The following GLI2 variants were observed in gnomAD, a reference collection of about 807,000 sequenced individuals.
GLI2 encodes transcription activator GLI2.
In GLI2, 22 loss-of-function variants were observed where a neutral mutation model predicts 78.9. The ratio of observed to expected loss-of-function variants is 0.28; its 90% CI spans 0.20 to 0.40. GLI2 has a LOEUF of 0.40. Among genes scored for constraint, GLI2 ranks in the 10% least tolerant of loss-of-function variants. The pLI is 1.00. For missense variants in GLI2, 2,097 were observed against 2,213.2 expected, an observed-to-expected ratio of 0.95 and a Z score of 1.05; for synonymous variants, 974 against 963.7, an observed-to-expected ratio of 1.01 and a Z score of -0.20.
intron 2 of GLI2, among the ~76,000 whole-genome samples, chr2:120,797,954 AAG>A (rs1444297089): frequency 2.6e-5 from 4 of 152,142 alleles, no homozygotes; most frequent in African/African-American, 9.7e-5. Flanking sequence ...ATTATAACAA[AAG>A]AGACTACACG....
chr2:120,938,447 C>A (rs895553), intron 3 of GLI2, among the ~76,000 whole-genome samples: 1 of 152,034 alleles, frequency 6.6e-6, no homozygotes, highest in Non-Finnish European at 1.5e-5. Flanking sequence ...TTGTGGACCA[C>A]GTGGCTAGAT....
At chr2:120,889,882 G>A (rs184890225) in intron 2 of GLI2, among the ~76,000 whole-genome samples, 116 of 152,306 alleles carry the variant, frequency 7.6e-4, no homozygotes, top group African/African-American at 2.6e-3. Flanking sequence ...AGACGGTACA[G>A]CCTCTCTAGA....
chr2:120,900,508 G>C (rs1220866811), intron 2 of GLI2, among the ~76,000 whole-genome samples: 1 of 152,178 alleles, frequency 6.6e-6, no homozygotes, highest in East Asian at 1.9e-4. Context: ...TCATTACCTA[G>C]CTTGGTGACC....
intron 1 of GLI2, among the ~76,000 whole-genome samples, chr2:120,748,477 T>C (rs528823573): frequency 2.0e-5 from 3 of 152,086 alleles, no homozygotes; most frequent in South Asian, 2.1e-4. Flanking sequence ...GAGGACCTCA[T>C]AGGGCAAGTG....
intron 1 of GLI2, among the ~76,000 whole-genome samples, chr2:120,779,163 T>C (rs1683766478): frequency 6.6e-6 from 1 of 152,234 alleles, no homozygotes; most frequent in African/African-American, 2.4e-5. Flanking sequence ...CATCAGCTCA[T>C]GTGAAACATT....
intron 2 of GLI2, among the ~76,000 whole-genome samples, chr2:120,841,888 T>TGTGTGTGTGTGTGTGTGTGA (rs768879101): frequency 6.9e-4 from 104 of 150,890 alleles, no homozygotes; most frequent in Admixed American, 1.2e-3. Flanking sequence ...TGTGTGTGTG[T>TGTGTGTGTGTGTGTGTGTGA]GATGCTGGGC....
At chr2:120,972,958 G>A (rs1682262585) in intron 8 of GLI2, among the ~76,000 whole-genome samples, 1 of 152,090 alleles carries the variant, frequency 6.6e-6, no homozygotes, top group Non-Finnish European at 1.5e-5. Context: ...TGGTAAGTAA[G>A]CCCCTGGTCC....
At chr2:120,931,762 A>G (rs1173615952) in intron 3 of GLI2, among the ~76,000 whole-genome samples, 1 of 152,164 alleles carries the variant, frequency 6.6e-6, no homozygotes, top group African/African-American at 2.4e-5. Context: ...TCTGTGTGAC[A>G]TCCCTGCAAG....
At chr2:120,894,029 C>A (rs144470936) in intron 2 of GLI2, among the ~76,000 whole-genome samples, 35 of 152,326 alleles carry the variant, frequency 2.3e-4, no homozygotes, top group African/African-American at 8.4e-4. Context: ...CTTCCCAGCC[C>A]GCTGCATGTT....
At chr2:120,794,335 G>T (rs934377393) in intron 1 of GLI2, among the ~76,000 whole-genome samples, 5 of 152,234 alleles carry the variant, frequency 3.3e-5, no homozygotes, top group Non-Finnish European at 7.3e-5. Context: ...ATCCCTGTTA[G>T]GAGGGTCAGG....
chr2:120,901,568 A>G (rs1678257346), intron 2 of GLI2, among the ~76,000 whole-genome samples: 1 of 152,192 alleles, frequency 6.6e-6, no homozygotes, highest in Non-Finnish European at 1.5e-5. Flanking sequence ...AGGGGTCTTC[A>G]TAGACCACTA....
intron 2 of GLI2, among the ~76,000 whole-genome samples, chr2:120,804,000 A>G (rs1684822239): frequency 1.3e-5 from 2 of 152,166 alleles, no homozygotes; most frequent in Admixed American, 6.5e-5. Flanking sequence ...CCAGTGTTCC[A>G]GGAGGCGTGT....
intron 2 of GLI2, among the ~76,000 whole-genome samples, chr2:120,826,172 A>G (rs2104758585): frequency 6.6e-6 from 1 of 152,298 alleles, no homozygotes; most frequent in Middle Eastern, 3.4e-3. Context: ...GCATGCACCC[A>G]ACTTAGCAAG....
At chr2:120,899,924 C>T (rs1017132390) in intron 2 of GLI2, among the ~76,000 whole-genome samples, 3 of 152,214 alleles carry the variant, frequency 2.0e-5, no homozygotes, top group Non-Finnish European at 1.5e-5. Context: ...ATTGCTGCAT[C>T]ACCCACAAGC....
intron 2 of GLI2, among the ~76,000 whole-genome samples, chr2:120,884,293 C>T (rs907979154): frequency 1.3e-5 from 2 of 152,174 alleles, no homozygotes; most frequent in African/African-American, 2.4e-5. Context: ...CGCCCATGTG[C>T]GGGCCAAGGG....
rs557155509 is a variant in GLI2, at chr2:120,961,632, C to G, written c.643+6202C>G. ...CACGGCCCAGGCGCTTGCTACTCCC[C>G]CATCAGAGGGGTGAGAGGGCTGTGG... On this transcript the variant is annotated intron_variant, in intron 5 of 13. Coordinates refer to ENST00000361492, the MANE Select transcript of GLI2 (RefSeq NM_001374353.1). Among the ~76,000 whole-genome samples, 3 of 152,314 alleles carry G rather than the reference C, an allele frequency of 2.0e-5. No individual in the cohort carries two copies. In the East Asian group the frequency reaches 5.8e-4, roughly 29 times the overall value.
At chr2:120,897,976 C>T (rs1297465687) in intron 2 of GLI2, among the ~76,000 whole-genome samples, 1 of 152,092 alleles carries the variant, frequency 6.6e-6, no homozygotes, top group Non-Finnish European at 1.5e-5. Context: ...TATCTTGATG[C>T]TGACCCTTGG....
chr2:120,813,435 C>T (rs901491277), intron 2 of GLI2, among the ~76,000 whole-genome samples: 5 of 152,184 alleles, frequency 3.3e-5, no homozygotes, highest in African/African-American at 4.8e-5. Context: ...GGCCCAGCTG[C>T]GCACAGAGGA....
chr2:120,889,158 C>T (rs1677561014), intron 2 of GLI2, among the ~76,000 whole-genome samples: 1 of 152,208 alleles, frequency 6.6e-6, no homozygotes, highest in South Asian at 2.1e-4. Context: ...CCCTTTTCTG[C>T]CCCTGTGTCT....
Sources: gnomAD v4.1 joint callset for allele counts (sites outside exome capture counted in the v4.1 genomes callset) on GRCh38, gnomAD v4.1.1 for gene constraint, MANE v1.5 for transcripts, NCBI Gene and HGNC (gene_info 2026-07-23, HGNC 2026-07-21) for gene names.